The following SEMA3A variants were observed in gnomAD, a reference collection of about 807,000 sequenced individuals.
The protein encoded by SEMA3A is semaphorin 3A.
A neutral mutation model predicts 97.9 loss-of-function variants in SEMA3A; 29 were observed. The observed-to-expected ratio is 0.30, with a 90% CI of 0.22 to 0.40. The LOEUF is 0.40. SEMA3A is among the 10% of genes least tolerant of loss of function. The probability of loss-of-function intolerance (pLI) is 1.00; values close to 1 mark genes in which losing one functional copy is unlikely to be tolerated. For missense variants in SEMA3A, 763 were observed against 951.3 expected (o/e 0.80, Z 2.60); for synonymous variants, 321 against 323.7 (o/e 0.99, Z 0.09).
intron 3 of SEMA3A, among the ~76,000 whole-genome samples, chr7:84,123,565 T>C (rs780588894): frequency 2.6e-5 from 4 of 151,280 alleles, no homozygotes; most frequent in Non-Finnish European, 5.9e-5. Context: ...TAAATGTAGA[T>C]GAATATCAGA....
chr7:84,014,394 T>G (rs1350016952), intron 6 of SEMA3A, 43 bp from the exon 7 acceptor site: 1 of 1,488,306 alleles, frequency 6.7e-7, no homozygotes, highest in East Asian at 2.3e-5. Context: ...CACAGCTTAA[T>G]AAATAATACC....
At chr7:84,196,767 G>A (rs998790464), upstream of SEMA3A, among the ~76,000 whole-genome samples, 4 of 151,834 alleles carry the variant, frequency 2.6e-5, no homozygotes, top group African/African-American at 7.3e-5. Flanking sequence ...TTCAAGGATT[G>A]GACTAATGAA....
chr7:84,405,354 A>T (rs1804049210), intron 1 of SEMA3A, among the ~76,000 whole-genome samples: 1 of 152,230 alleles, frequency 6.6e-6, no homozygotes, highest in Admixed American at 6.5e-5. Context: ...ACTATCCTAA[A>T]TATATATGCA....
chr7:84,171,876 C>T (rs1053650372), intron 1 of SEMA3A, among the ~76,000 whole-genome samples: 4 of 152,022 alleles, frequency 2.6e-5, no homozygotes, highest in Admixed American at 2.0e-4. Context: ...TTTGCATTTG[C>T]TGTGTCATGA....
chr7:84,434,743 T>C (rs1805080619), intron 1 of SEMA3A, among the ~76,000 whole-genome samples: 1 of 152,108 alleles, frequency 6.6e-6, no homozygotes, highest in African/African-American at 2.4e-5. Flanking sequence ...CACATAAACA[T>C]AATTAATGAT....
At chr7:84,380,245 C>T (rs969027943) in intron 1 of SEMA3A, among the ~76,000 whole-genome samples, 5 of 152,154 alleles carry the variant, frequency 3.3e-5, no homozygotes, top group African/African-American at 1.2e-4. Context: ...AATGCTGTTG[C>T]TTTAAATGCT....
chr7:84,196,505 T>C (rs1798236053), upstream of SEMA3A, among the ~76,000 whole-genome samples: 1 of 152,180 alleles, frequency 6.6e-6, no homozygotes, highest in Admixed American at 6.5e-5. Context: ...TCTACTTCAC[T>C]AGATTGACTC....
intron 4 of SEMA3A, among the ~76,000 whole-genome samples, chr7:84,081,234 T>C (rs1794142578): frequency 6.6e-6 from 1 of 151,460 alleles, no homozygotes; most frequent in Non-Finnish European, 1.5e-5. Flanking sequence ...GCAAGAAAAA[T>C]TGGGCAAATT....
chr7:84,467,861 A>G (rs1806046034), intron 1 of SEMA3A, among the ~76,000 whole-genome samples: 1 of 152,112 alleles, frequency 6.6e-6, no homozygotes, highest in Non-Finnish European at 1.5e-5. Flanking sequence ...ATTTCCTTCA[A>G]CATGCCTGTG....
intron 5 of SEMA3A, among the ~76,000 whole-genome samples, chr7:84,048,786 TAATC>T (rs1254381102): frequency 6.6e-6 from 1 of 152,052 alleles, no homozygotes; most frequent in African/African-American, 2.4e-5. Flanking sequence ...ATAATGTAAT[TAATC>T]AATCATTCTT....
At chr7:84,075,891 G>A (rs1164092169) in intron 4 of SEMA3A, among the ~76,000 whole-genome samples, 1 of 152,144 alleles carries the variant, frequency 6.6e-6, no homozygotes, top group Non-Finnish European at 1.5e-5. Context: ...CCTTTAAGGT[G>A]CATGTAGTAA....
At chr7:84,019,021 G>T (rs1231862228) in intron 6 of SEMA3A, among the ~76,000 whole-genome samples, 1 of 152,160 alleles carries the variant, frequency 6.6e-6, no homozygotes, top group Non-Finnish European at 1.5e-5. Context: ...AAATGAGAAA[G>T]GACAGTGACC....
At chr7:84,025,784 C>T (rs560609817) in intron 6 of SEMA3A, among the ~76,000 whole-genome samples, 4 of 152,286 alleles carry the variant, frequency 2.6e-5, no homozygotes, top group Non-Finnish European at 4.4e-5. Flanking sequence ...CTAATCCACA[C>T]ATACCCCAGA....
intron 13 of SEMA3A, among the ~76,000 whole-genome samples, chr7:83,983,584 C>T (rs888466739): frequency 1.2e-4 from 18 of 151,968 alleles, no homozygotes; most frequent in Non-Finnish European, 2.2e-4. Context: ...CAAAATATAG[C>T]AGCTGAAATT....
intron 3 of SEMA3A, among the ~76,000 whole-genome samples, chr7:84,209,170 A>G (rs1798566510): frequency 6.6e-6 from 1 of 152,228 alleles, no homozygotes. Flanking sequence ...ACTACAAAGT[A>G]GAGAAGAACA....
intron 4 of SEMA3A, among the ~76,000 whole-genome samples, chr7:84,100,106 C>T (rs927445960): frequency 6.6e-6 from 1 of 152,120 alleles, no homozygotes; most frequent in African/African-American, 2.4e-5. Flanking sequence ...GTTTCCATAG[C>T]CTGTCTGTCT....
Position 84,194,532 on chromosome 7 carries a change from T to C in SEMA3A, c.55A>G (p.Arg19Gly). 1 of 1,613,654 alleles carries C rather than the reference T, an allele frequency of 6.2e-7. No individual in the cohort carries two copies. The highest frequency in any genetic ancestry group is 8.5e-7 in the Non-Finnish European group (1 of 1,179,604). The change falls in exon 1 of 17, where the codon AGA becomes GGA. Residue 19 changes from arginine to glycine, a missense_variant. Physicochemically the swap from Arg to Gly is moderately radical, Grantham distance 125. This residue lies in a region of SEMA3A where 85 missense variants were observed against 70.0 expected (regional missense o/e 1.21). Transcript: ENST00000265362. Reference sequence around the variant, plus strand: ...TTCTTCCCATTCTGATAGTTTGCTCTTGCTGTAAGTAATACTCCCCAGAAA... The same window carrying C: ...TTCTTCCCATTCTGATAGTTTGCTCCTGCTGTAAGTAATACTCCCCAGAAA... ...CLFWGVLLTA[R>G]ANYQNGKNNV...
At chr7:84,074,990 C>A (rs546924121) in intron 4 of SEMA3A, among the ~76,000 whole-genome samples, 13 of 151,998 alleles carry the variant, frequency 8.6e-5, no homozygotes, top group African/African-American at 3.1e-4. Flanking sequence ...TATGATTGAT[C>A]TTTAGTTATA....
intron 3 of SEMA3A, among the ~76,000 whole-genome samples, chr7:84,123,317 C>G (rs1453051504): frequency 6.6e-6 from 1 of 152,036 alleles, no homozygotes; most frequent in Non-Finnish European, 1.5e-5. Context: ...GGTATCTCGA[C>G]TGTATTTATT....
Sources: allele counts gnomAD v4.1 joint callset (sites outside exome capture counted in the v4.1 genomes callset), GRCh38; gene constraint gnomAD v4.1.1; regional missense constraint gnomAD v4.1.1; transcripts MANE v1.5; gene names NCBI Gene and HGNC (gene_info 2026-07-23, HGNC 2026-07-21).